The following CAPRIN1 variants were observed in gnomAD, a reference collection of about 807,000 sequenced individuals.
CAPRIN1 encodes the protein cell cycle associated protein 1.
In CAPRIN1, 29 loss-of-function variants were observed where a neutral mutation model predicts 100.9. The observed-to-expected ratio is 0.29, with a 90% CI of 0.21 to 0.39. The LOEUF is 0.39. Ranked by LOEUF, CAPRIN1 falls within the 10% of genes least tolerant of loss-of-function variation. CAPRIN1 has a pLI of 1.00. For missense variants in CAPRIN1, 795 were observed against 876.7 expected (o/e 0.91, Z 1.18); for synonymous variants, 338 against 307.5 (o/e 1.10, Z -1.04).
At chr11:34,092,205 TAA>T (rs1321382990) in intron 15 of CAPRIN1, 149 bp downstream of exon 15, 1 of 722,778 alleles carries the variant, frequency 1.4e-6, no homozygotes, top group Non-Finnish European at 2.1e-6. Flanking sequence ...GATCATGAGT[TAA>T]ATTGAGTCTG....
chr11:34,068,310 G>A (rs1024708134), intron 2 of CAPRIN1, among the ~76,000 whole-genome samples: 2 of 152,160 alleles, frequency 1.3e-5, no homozygotes, highest in African/African-American at 4.8e-5. Flanking sequence ...TTATGACTCA[G>A]CCTTGGAAAT....
chr11:34,081,866 C>T (rs898771728), intron 7 of CAPRIN1, among the ~76,000 whole-genome samples: 1 of 152,060 alleles, frequency 6.6e-6, no homozygotes, highest in Admixed American at 6.5e-5. Flanking sequence ...GGCTGGAGTG[C>T]AGTGGCGCGA....
chr11:34,090,090 T>C, intron 12 of CAPRIN1, 89 bp from the exon 13 acceptor site: 1 of 661,492 alleles, frequency 1.5e-6, no homozygotes, highest in Non-Finnish European at 2.7e-6. Flanking sequence ...TATCTATTTC[T>C]TAGCCTTATG....
chr11:34,080,079 A>G (rs141785664), intron 7 of CAPRIN1, among the ~76,000 whole-genome samples: 2,562 of 151,754 alleles, frequency 0.017, 52 homozygotes, highest in African/African-American at 0.059. Flanking sequence ...GCCCGCCACC[A>G]CGCCCGGCTA....
At chr11:34,071,838 G>C (rs765110968) in intron 3 of CAPRIN1, 50 bp downstream of exon 3, 1 of 1,586,424 alleles carries the variant, frequency 6.3e-7, no homozygotes, top group East Asian at 2.2e-5. Context: ...CTATTTTAAA[G>C]ACAAAAATTA....
At chr11:34,089,125 C>T (rs111738594) in intron 11 of CAPRIN1, among the ~76,000 whole-genome samples, 2 of 151,024 alleles carry the variant, frequency 1.3e-5, no homozygotes, top group African/African-American at 2.4e-5. Flanking sequence ...AAATATTATC[C>T]GAGTGTGGTG....
intron 11 of CAPRIN1, 130 bp from the exon 12 acceptor site, chr11:34,089,258 GACACTCC>G (rs1453499855): frequency 9.7e-6 from 1 of 103,162 alleles, no homozygotes; most frequent in African/African-American, 4.0e-4. Context: ...GACAGAGTGA[GACACTCC>G]CCCCCCCCCC....
chr11:34,066,070 C>A (rs10768048), intron 2 of CAPRIN1, among the ~76,000 whole-genome samples: 150,908 of 152,122 alleles, frequency 0.99, 74,864 homozygotes, highest in East Asian at 1. Context: ...TGCAGCCTCA[C>A]CCTCCCCAGA....
chr11:34,073,093 A>G (rs865872653), intron 4 of CAPRIN1, among the ~76,000 whole-genome samples: 11 of 150,448 alleles, frequency 7.3e-5, no homozygotes, highest in African/African-American at 2.5e-4. Context: ...ATCCTTGTTA[A>G]GTAATGTGTG....
At chr11:34,058,169 T>G (rs906855211) in intron 2 of CAPRIN1, among the ~76,000 whole-genome samples, 3 of 152,264 alleles carry the variant, frequency 2.0e-5, no homozygotes, top group African/African-American at 7.2e-5. Flanking sequence ...AGAATCTTGC[T>G]CTGTCGCCCA....
At chr11:34,089,924 C>A in intron 12 of CAPRIN1, 1 of 239,518 alleles carries the variant, frequency 4.2e-6, no homozygotes, top group Non-Finnish European at 8.0e-6. Flanking sequence ...CAGATTTCTC[C>A]ATCTTAGAAG....
At chr11:34,089,363 G>A in intron 11 of CAPRIN1, 32 bp from the exon 12 acceptor site, 1 of 1,367,556 alleles carries the variant, frequency 7.3e-7, no homozygotes, top group Non-Finnish European at 9.9e-7. Context: ...ATTTAATTTT[G>A]TTTGACAAAA....
intron 2 of CAPRIN1, among the ~76,000 whole-genome samples, chr11:34,070,151 C>G (rs1039912400): frequency 6.6e-6 from 1 of 152,072 alleles, no homozygotes; most frequent in Non-Finnish European, 1.5e-5. Flanking sequence ...GTTTGTGACT[C>G]TGTTGCATTA....
chr11:34,090,455 T>C (rs1851239972), intron 13 of CAPRIN1, 74 bp from the exon 14 acceptor site: 4 of 1,509,680 alleles, frequency 2.6e-6, no homozygotes, highest in South Asian at 2.3e-5. Context: ...TTTACCACTT[T>C]AGTACATCTG....
chr11:34,067,927 C>T (rs984028157), intron 2 of CAPRIN1, among the ~76,000 whole-genome samples: 1 of 152,118 alleles, frequency 6.6e-6, no homozygotes, highest in Non-Finnish European at 1.5e-5. Context: ...TTTCATTTCC[C>T]CTTTAACCTT....
In CAPRIN1 at chr11:34,073,138, A is replaced by G. The variant is rs146543768; in HGVS notation, c.366+1151A>G. On this transcript the variant is annotated intron_variant, in intron 4 of 18. Coordinates refer to ENST00000341394, the MANE Select transcript of CAPRIN1 (RefSeq NM_005898.5). ...AGTTGCCTCTAATTTGCTGAAACAAAAAAGTTTATTATATGAGACAATGCA... is the reference window on the plus strand; with the variant it reads ...AGTTGCCTCTAATTTGCTGAAACAAGAAAGTTTATTATATGAGACAATGCA... Among the ~76,000 whole-genome samples the G allele has an allele frequency of 4.6e-5, 7 of 152,360 alleles. No homozygotes were observed. The East Asian group carries it at 5.8e-4, about 13-fold the overall frequency.
Position 34,099,720 on chromosome 11 carries a change from T to C in CAPRIN1, c.*353T>C. 1 of 199,184 alleles carries C rather than the reference T, an allele frequency of 5.0e-6. No homozygotes were observed. Among genetic ancestry groups the C allele is most frequent in the Non-Finnish European group, 1.0e-5 (1 of 98,512 alleles). 12.3% of individuals were successfully genotyped at this position (199,184 alleles called of 1,614,324 possible). ...AAGGCAAGATTGACTTTTATGACAT[T>C]GGATAAAATCTACAAATCAGCCCTC... On this transcript the variant is annotated 3_prime_UTR_variant, in exon 19 of 19. Transcript: ENST00000341394.
intron 2 of CAPRIN1, among the ~76,000 whole-genome samples, chr11:34,055,328 A>G (rs2134080450): frequency 6.6e-6 from 1 of 150,986 alleles, no homozygotes; most frequent in East Asian, 2.0e-4. Flanking sequence ...CACCCCAGGC[A>G]ATTTTTTTTT....
chr11:34,068,487 G>A (rs1850742423), intron 2 of CAPRIN1, among the ~76,000 whole-genome samples: 1 of 152,164 alleles, frequency 6.6e-6, no homozygotes, highest in Non-Finnish European at 1.5e-5. Context: ...ATCTGCGATA[G>A]CTCTCGGTTT....
Sources: allele counts gnomAD v4.1 joint callset (sites outside exome capture counted in the v4.1 genomes callset), GRCh38; gene constraint gnomAD v4.1.1; transcripts MANE v1.5; gene names NCBI Gene and HGNC (gene_info 2026-07-23, HGNC 2026-07-21).